The following STK32B variants were observed in gnomAD, a reference collection of about 807,000 sequenced individuals.
STK32B encodes the protein serine/threonine kinase 32B.
STK32B carries 43 observed loss-of-function variants against 52.6 expected under a neutral mutation model. The observed-to-expected ratio is 0.82, with a 90% CI of 0.64 to 1.05. The LOEUF (loss-of-function observed/expected upper bound fraction) is 1.05, where lower values mean the gene tolerates loss of function less well. Ranked by LOEUF, STK32B falls within the 50% of genes least tolerant of loss-of-function variation. The pLI is 0.00. For missense variants in STK32B, 621 were observed against 534.6 expected (o/e 1.16, Z -1.59); for synonymous variants, 238 against 204.3 (o/e 1.17, Z -1.41).
chr4:5,132,977 T>G (rs1715869494), intron 1 of STK32B, among the ~76,000 whole-genome samples: 1 of 152,116 alleles, frequency 6.6e-6, no homozygotes, highest in Non-Finnish European at 1.5e-5. Flanking sequence ...TTTTGTATTT[T>G]TAGGAGAGAT....
chr4:5,497,898 A>G (rs1560099269), intron 11 of STK32B, among the ~76,000 whole-genome samples: 1 of 152,190 alleles, frequency 6.6e-6, no homozygotes, highest in African/African-American at 2.4e-5. Context: ...GTTGGAAAGA[A>G]ACATACTAGT....
chr4:5,260,648 CT>C (rs1261441386), intron 3 of STK32B, among the ~76,000 whole-genome samples: 2 of 152,066 alleles, frequency 1.3e-5, no homozygotes, highest in African/African-American at 4.8e-5. Flanking sequence ...AGTGAATGGC[CT>C]ATTAGGGAAG....
chr4:5,199,767 G>A (rs1319985526), intron 3 of STK32B, among the ~76,000 whole-genome samples: 1 of 82,714 alleles, frequency 1.2e-5, no homozygotes, highest in East Asian at 3.4e-4. Context: ...TCCCACCCCC[G>A]CCCACCTGGT....
intron 1 of STK32B, among the ~76,000 whole-genome samples, chr4:5,130,610 C>T (rs1014851689): frequency 6.6e-6 from 1 of 152,020 alleles, no homozygotes; most frequent in African/African-American, 2.4e-5. Flanking sequence ...CCAAAATAAC[C>T]CCTTTCCAAA....
intron 7 of STK32B, among the ~76,000 whole-genome samples, chr4:5,448,879 A>G (rs1009919518): frequency 6.6e-6 from 1 of 152,198 alleles, no homozygotes; most frequent in African/African-American, 2.4e-5. Context: ...TGTTTTTCAT[A>G]CTGGAAACCG....
At chr4:5,127,067 T>G in intron 1 of STK32B, 1 of 502,992 alleles carries the variant, frequency 2.0e-6, no homozygotes, top group South Asian at 1.5e-5. Flanking sequence ...TGGACATTGG[T>G]GCTGCCTAAG....
At chr4:5,296,718 A>G (rs984709020) in intron 3 of STK32B, among the ~76,000 whole-genome samples, 3 of 152,094 alleles carry the variant, frequency 2.0e-5, no homozygotes, top group East Asian at 1.9e-4. Context: ...TCCTTATCCA[A>G]TTTGCCAGTC....
chr4:5,119,266 T>A (rs1468827302), intron 1 of STK32B, among the ~76,000 whole-genome samples: 1 of 152,224 alleles, frequency 6.6e-6, no homozygotes, highest in East Asian at 1.9e-4. Flanking sequence ...TTTCTGTGCC[T>A]TGTCCTGTGT....
chr4:5,410,860 T>C (rs550357156), intron 5 of STK32B, among the ~76,000 whole-genome samples: 133 of 152,280 alleles, frequency 8.7e-4, no homozygotes, highest in Non-Finnish European at 4.9e-4. Context: ...TTCTGGGGGC[T>C]TGGAAGTCCA....
chr4:5,101,081 CACTGTGTTGCCCAAGCTGCTCTCA>C (rs1025395434), intron 1 of STK32B, among the ~76,000 whole-genome samples: 69 of 152,138 alleles, frequency 4.5e-4, no homozygotes, highest in Admixed American at 2.2e-3. Context: ...CTGGGGGTCT[CACTGTGTTGCCCAAGCTGCTCTCA>C]ACTGTGTTGC....
At chr4:5,277,594 G>A (rs530041499) in intron 3 of STK32B, among the ~76,000 whole-genome samples, 3 of 151,958 alleles carry the variant, frequency 2.0e-5, no homozygotes, top group Non-Finnish European at 4.4e-5. Context: ...TGCCTACCCG[G>A]TTGTGATGTG....
chr4:5,435,120 T>C (rs892237060), intron 6 of STK32B, among the ~76,000 whole-genome samples: 4 of 152,238 alleles, frequency 2.6e-5, no homozygotes, highest in Admixed American at 1.3e-4. Flanking sequence ...GTGGACATGA[T>C]GGCAGTTACA....
chr4:5,446,364 G>A (rs370138099), intron 6 of STK32B, among the ~76,000 whole-genome samples: 20 of 152,190 alleles, frequency 1.3e-4, no homozygotes, highest in African/African-American at 1.7e-4. Context: ...CCAAGAGTTC[G>A]AGACCAGCCT....
chr4:5,405,591 C>A (rs893344559), intron 5 of STK32B, among the ~76,000 whole-genome samples: 8 of 152,038 alleles, frequency 5.3e-5, no homozygotes, highest in Non-Finnish European at 1.0e-4. Context: ...ACAGGCTGTT[C>A]AGGAGGCATG....
At chr4:5,034,452 C>T in the STK32B span, among the ~76,000 whole-genome samples, 1 of 152,266 alleles carries the variant, frequency 6.6e-6, no homozygotes, top group Non-Finnish European at 1.5e-5. Flanking sequence ...TATGCGCTCC[C>T]CTCCCTACAA....
chr4:5,286,082 A>G (rs951302183), intron 3 of STK32B, among the ~76,000 whole-genome samples: 1 of 152,086 alleles, frequency 6.6e-6, no homozygotes, highest in East Asian at 1.9e-4. Context: ...ACTCAAACCA[A>G]CCCTGCCAAT....
chr4:5,236,017 G>C (rs182644642), intron 3 of STK32B, among the ~76,000 whole-genome samples: 1 of 152,254 alleles, frequency 6.6e-6, no homozygotes, highest in Non-Finnish European at 1.5e-5. Context: ...GTCTGGCACA[G>C]CCAGAGCAGC....
chr4:5,499,112 T>G lies in STK32B; in HGVS notation c.*29T>G, dbSNP rs557499291. ...CACACTTGTTGCTGCTCAACAGGAC[T>G]GCACTCGTCTCTGCCCTGCCCACCC... On this transcript the variant is annotated 3_prime_UTR_variant, in exon 12 of 12. Coordinates refer to ENST00000282908, the MANE Select transcript of STK32B (RefSeq NM_018401.3). 7.1e-5 allele frequency: 113 copies of G among 1,587,702 alleles called. 1 individual carries two copies. In the South Asian group the frequency reaches 1.3e-3, roughly 18 times the overall value.
intron 3 of STK32B, among the ~76,000 whole-genome samples, chr4:5,298,547 C>T (rs1055720352): frequency 9.9e-5 from 15 of 152,112 alleles, no homozygotes; most frequent in African/African-American, 2.9e-4. Flanking sequence ...CAGTGGGTTC[C>T]GCTCAGTCTG....
Sources: gnomAD v4.1 joint callset for allele counts (sites outside exome capture counted in the v4.1 genomes callset) on GRCh38, gnomAD v4.1.1 for gene constraint, MANE v1.5 for transcripts, NCBI Gene and HGNC (gene_info 2026-07-23, HGNC 2026-07-21) for gene names.